Variants in FUCA1 observed in about 807,000 individuals in gnomAD.
FUCA1 encodes the protein alpha-L-fucosidase 1.
In FUCA1, 52 loss-of-function variants were observed where a neutral mutation model predicts 56.8. The ratio of observed to expected loss-of-function variants is 0.92; its 90% CI spans 0.73 to 1.15. FUCA1 has a LOEUF of 1.15. Among genes scored for constraint, FUCA1 ranks in the 50% most tolerant of loss-of-function variants. The pLI is 0.00. For synonymous variants in FUCA1, 230 were observed against 226.6 expected (o/e 1.02, Z -0.14); for missense variants, 568 against 592.6 (o/e 0.96, Z 0.43).
At chr1:23,855,883 T>C (rs949248967) in intron 4 of FUCA1, among the ~76,000 whole-genome samples, 4 of 152,186 alleles carry the variant, frequency 2.6e-5, no homozygotes, top group African/African-American at 9.7e-5. Context: ...ACAACTACCA[T>C]GGGGCTCACA....
At chr1:23,865,911 T>G (rs1182294667) in intron 1 of FUCA1, among the ~76,000 whole-genome samples, 1 of 152,202 alleles carries the variant, frequency 6.6e-6, no homozygotes, top group Admixed American at 6.5e-5. Context: ...GAAGTGCACC[T>G]TAGCTCTCTG....
chr1:23,848,964 A>AT, intron 5 of FUCA1, 125 bp from the exon 6 acceptor site: 1 of 859,666 alleles, frequency 1.2e-6, no homozygotes, highest in African/African-American at 1.7e-5. Flanking sequence ...CTGCTGTTTT[A>AT]ATTTTTTTTT....
At chr1:23,849,579 T>A (rs918156372) in intron 5 of FUCA1, among the ~76,000 whole-genome samples, 15 of 136,862 alleles carry the variant, frequency 1.1e-4, no homozygotes, top group Admixed American at 1.1e-3. Context: ...TACGTTCTTT[T>A]TTTTTTTTTT....
In FUCA1 at chr1:23,848,735, A is replaced by T. The variant is rs1303758657; in HGVS notation, c.1074T>A (p.Val358=). ...CCCCATTGATGCTCAGCCATTTCCC[A>T]ACAGCAAGAAGCCTTTCTTGGAAGA... ...VPIFQERLLA[V]GKWLSINGEA... The change falls in exon 6 of 8, where the codon GTT becomes GTA. Residue 358 remains valine (V), a synonymous_variant. Transcript: ENST00000374479. The T allele has an allele frequency of 6.2e-7, 1 of 1,614,194 alleles. No homozygotes were observed.
At chr1:23,861,574 A>C (rs1265635421) in intron 3 of FUCA1, among the ~76,000 whole-genome samples, 1 of 152,208 alleles carries the variant, frequency 6.6e-6, no homozygotes, top group East Asian at 1.9e-4. Flanking sequence ...TAATTACCAA[A>C]GTCTGTACTG....
chr1:23,854,604 T>G (rs1639353659), intron 4 of FUCA1, 44 bp from the exon 5 acceptor site: 1 of 1,460,614 alleles, frequency 6.8e-7, no homozygotes, highest in Non-Finnish European at 9.6e-7. Context: ...TAAAACCACT[T>G]GACTTCTTTA....
intron 5 of FUCA1, among the ~76,000 whole-genome samples, chr1:23,851,815 C>T (rs560306477): frequency 3.2e-4 from 41 of 127,418 alleles, no homozygotes; most frequent in African/African-American, 9.8e-4. Context: ...AATGAGAACA[C>T]ATGGGACACA....
intron 5 of FUCA1, among the ~76,000 whole-genome samples, chr1:23,853,168 A>C (rs1639306119): frequency 1.4e-5 from 2 of 145,100 alleles, no homozygotes; most frequent in African/African-American, 2.6e-5. Context: ...CCCGGCCGCG[A>C]CCCCGTCTGG....
At chr1:23,862,369 G>A (rs187886739) in intron 3 of FUCA1, among the ~76,000 whole-genome samples, 1 of 152,266 alleles carries the variant, frequency 6.6e-6, no homozygotes, top group African/African-American at 2.4e-5. Flanking sequence ...ATTTCACCGT[G>A]TTGGCCAGGC....
rs1052725618 is a variant in FUCA1 at position 23,860,891 on chromosome 1, G to A, written c.663-988C>T. 4.6e-5 allele frequency among the ~76,000 whole-genome samples: 7 copies of A among 151,768 alleles called. No individual in the cohort carries two copies. The South Asian group carries it at 8.3e-4, about 18-fold the overall frequency. ...TGGCAGCAAGTGATCCACCTGCCTC[G>A]GCTTCGCAAAGTGCTGGGATTTCAG... On this transcript the variant is annotated intron_variant, in intron 3 of 7. Transcript: ENST00000374479.
At chr1:23,852,932 C>G (rs1275965602) in intron 5 of FUCA1, among the ~76,000 whole-genome samples, 1 of 150,818 alleles carries the variant, frequency 6.6e-6, no homozygotes, top group South Asian at 2.1e-4. Flanking sequence ...TCTGCCTGGC[C>G]GCCCATCGTC....
At chr1:23,865,442 G>A (rs1383498215) in intron 2 of FUCA1, 49 bp downstream of exon 2, 1 of 1,613,156 alleles carries the variant, frequency 6.2e-7, no homozygotes, top group African/African-American at 1.3e-5. Context: ...CAGAACTCTT[G>A]ACAGCCAGAT....
chr1:23,858,225 T>C (rs1331338407), intron 4 of FUCA1, among the ~76,000 whole-genome samples: 2 of 151,886 alleles, frequency 1.3e-5, no homozygotes, highest in Non-Finnish European at 2.9e-5. Context: ...CTACCACGCC[T>C]GGCTAATTTC....
At chr1:23,846,779 G>A (rs562276724) in intron 6 of FUCA1, among the ~76,000 whole-genome samples, 14 of 151,914 alleles carry the variant, frequency 9.2e-5, no homozygotes, top group African/African-American at 3.4e-4. Context: ...ACGGGGTTTC[G>A]CCATGTTGGC....
intron 4 of FUCA1, among the ~76,000 whole-genome samples, chr1:23,859,277 A>G (rs1041013176): frequency 5.3e-5 from 8 of 152,098 alleles, no homozygotes; most frequent in African/African-American, 1.4e-4. Flanking sequence ...TTAAGAACTA[A>G]AGGAGATTGC....
chr1:23,847,765 T>TAATC (rs1639172359), intron 6 of FUCA1, among the ~76,000 whole-genome samples: 1 of 152,234 alleles, frequency 6.6e-6, no homozygotes, highest in Non-Finnish European at 1.5e-5. Context: ...CTCATGCCTG[T>TAATC]AATCCCAGCA....
chr1:23,863,502 T>C (rs1369852176), intron 2 of FUCA1, among the ~76,000 whole-genome samples: 1 of 152,236 alleles, frequency 6.6e-6, no homozygotes, highest in African/African-American at 2.4e-5. Context: ...CATAAATATC[T>C]TAACACCAAA....
intron 4 of FUCA1, among the ~76,000 whole-genome samples, chr1:23,857,923 C>G (rs1639427740): frequency 6.6e-6 from 1 of 152,114 alleles, no homozygotes; most frequent in South Asian, 2.1e-4. Context: ...CAGCCTCGGC[C>G]TCCCAAAGTG....
intron 4 of FUCA1, among the ~76,000 whole-genome samples, chr1:23,856,865 G>A (rs1055287175): frequency 2.6e-5 from 4 of 151,952 alleles, no homozygotes; most frequent in Non-Finnish European, 4.4e-5. Flanking sequence ...GATGGTGTGC[G>A]CCTGTACTCC....
Sources: allele counts gnomAD v4.1 joint callset (sites outside exome capture counted in the v4.1 genomes callset), GRCh38; gene constraint gnomAD v4.1.1; transcripts MANE v1.5; gene names NCBI Gene and HGNC (gene_info 2026-07-23, HGNC 2026-07-21).